Variants in NALCN observed in about 807,000 individuals in gnomAD.
The protein encoded by NALCN is sodium leak channel, non-selective.
NALCN carries 111 observed loss-of-function variants against 225.3 expected under a neutral mutation model. That is an observed-to-expected ratio of 0.49 (90% CI 0.42 to 0.58). The LOEUF (loss-of-function observed/expected upper bound fraction) is 0.58. Among genes scored for constraint, NALCN ranks in the 20% least tolerant of loss-of-function variants. NALCN has a pLI of 0.00. For synonymous variants in NALCN, 764 were observed against 769.0 expected, an observed-to-expected ratio of 0.99 and a Z score of 0.11; for missense variants, 1,378 against 2,202.4, an observed-to-expected ratio of 0.63 and a Z score of 7.49.
chr13:101,312,981 G>C (rs2044406314), intron 7 of NALCN, among the ~76,000 whole-genome samples: 1 of 152,120 alleles, frequency 6.6e-6, no homozygotes, highest in Non-Finnish European at 1.5e-5. Context: ...TACCAAAACA[G>C]AGATATAGAT....
intron 15 of NALCN, among the ~76,000 whole-genome samples, chr13:101,160,153 A>T (rs556330035): frequency 6.6e-6 from 1 of 151,988 alleles, no homozygotes; most frequent in African/African-American, 2.4e-5. Flanking sequence ...ACAGGGTTTC[A>T]CCATGTTAGC....
intron 27 of NALCN, among the ~76,000 whole-genome samples, chr13:101,097,767 C>T (rs1433559861): frequency 6.6e-6 from 1 of 152,174 alleles, no homozygotes; most frequent in African/African-American, 2.4e-5. Context: ...AAATTCCAAA[C>T]CCCTTAGCCA....
At chr13:101,370,480 T>A (rs114281208) in intron 6 of NALCN, among the ~76,000 whole-genome samples, 1 of 152,208 alleles carries the variant, frequency 6.6e-6, no homozygotes, top group African/African-American at 2.4e-5. Context: ...CTTGAGCCCA[T>A]GTAAAGCTGA....
At chr13:101,397,356 G>C (rs1312111246) in intron 2 of NALCN, among the ~76,000 whole-genome samples, 1 of 149,936 alleles carries the variant, frequency 6.7e-6, no homozygotes, top group Non-Finnish European at 1.5e-5. Context: ...TATAAAACAT[G>C]TTCTAGATAA....
At chr13:101,119,343 T>A (rs962271690) in intron 18 of NALCN, among the ~76,000 whole-genome samples, 1 of 152,180 alleles carries the variant, frequency 6.6e-6, no homozygotes, top group African/African-American at 2.4e-5. Context: ...AACTAAAGAC[T>A]ATTCCTTAAG....
chr13:101,138,359 G>A (rs2036906186), intron 17 of NALCN, among the ~76,000 whole-genome samples: 1 of 152,176 alleles, frequency 6.6e-6, no homozygotes, highest in Non-Finnish European at 1.5e-5. Flanking sequence ...CCTCTTTACT[G>A]TACATAAGTT....
chr13:101,232,787 T>TA (rs2041404087), intron 12 of NALCN, among the ~76,000 whole-genome samples: 1 of 152,282 alleles, frequency 6.6e-6, no homozygotes, highest in South Asian at 2.1e-4. Context: ...AATCAGGACA[T>TA]ATTACTCTCA....
intron 13 of NALCN, among the ~76,000 whole-genome samples, chr13:101,227,701 G>A (rs2041199437): frequency 6.6e-6 from 1 of 152,116 alleles, no homozygotes; most frequent in African/African-American, 2.4e-5. Flanking sequence ...GCTGGCTCTG[G>A]GTCTCTTCTT....
At chr13:101,345,917 T>A (rs1206705021) in intron 6 of NALCN, among the ~76,000 whole-genome samples, 1 of 144,944 alleles carries the variant, frequency 6.9e-6, no homozygotes, top group Non-Finnish European at 1.5e-5. Context: ...CAGTTAAGAC[T>A]GAAGCGAAGA....
intron 11 of NALCN, among the ~76,000 whole-genome samples, chr13:101,251,538 T>C (rs2042063216): frequency 6.6e-6 from 1 of 152,140 alleles, no homozygotes; most frequent in Non-Finnish European, 1.5e-5. Context: ...CAAATATTGG[T>C]TATAATATTT....
chr13:101,200,157 G>A (rs575393502), intron 13 of NALCN, among the ~76,000 whole-genome samples: 1 of 152,184 alleles, frequency 6.6e-6, no homozygotes, highest in East Asian at 1.9e-4. Context: ...ACAGATGTTA[G>A]ATAACAGGAA....
At chr13:101,358,741 T>C (rs1594737629) in intron 6 of NALCN, among the ~76,000 whole-genome samples, 1 of 152,148 alleles carries the variant, frequency 6.6e-6, no homozygotes, top group Admixed American at 6.6e-5. Flanking sequence ...AAGATACATG[T>C]ACACGTATGT....
intron 3 of NALCN, among the ~76,000 whole-genome samples, 161 bp from the exon 4 acceptor site, chr13:101,378,814 C>T (rs935363840): frequency 6.6e-6 from 1 of 152,060 alleles, no homozygotes; most frequent in Admixed American, 6.5e-5. Flanking sequence ...TTTTAAGTAG[C>T]ATTACTTATA....
intron 11 of NALCN, 101 bp downstream of exon 11, chr13:101,258,342 A>G: frequency 6.8e-7 from 1 of 1,477,976 alleles, no homozygotes; most frequent in Non-Finnish European, 9.1e-7. Context: ...GTGAAAGTCA[A>G]GTAATGAACA....
intron 7 of NALCN, among the ~76,000 whole-genome samples, chr13:101,316,129 T>C (rs1455579646): frequency 6.6e-6 from 1 of 152,192 alleles, no homozygotes; most frequent in Non-Finnish European, 1.5e-5. Flanking sequence ...TTAGATCATA[T>C]ATGAGAATCC....
intron 14 of NALCN, among the ~76,000 whole-genome samples, chr13:101,189,089 TAGGGA>T (rs1566405570): frequency 6.6e-6 from 1 of 152,222 alleles, no homozygotes; most frequent in African/African-American, 2.4e-5. Context: ...AACTCTGAAG[TAGGGA>T]TGCCCCTTAT....
chr13:101,170,526 C>A (rs954693668), intron 15 of NALCN, among the ~76,000 whole-genome samples: 4 of 152,136 alleles, frequency 2.6e-5, no homozygotes, highest in African/African-American at 9.7e-5. Context: ...CAAGTTGACA[C>A]ATAAAATCAA....
intron 13 of NALCN, among the ~76,000 whole-genome samples, chr13:101,210,521 A>ATT (rs141338150): frequency 5.2e-4 from 79 of 151,784 alleles, no homozygotes; most frequent in African/African-American, 1.8e-3. Context: ...CTGTAATATG[A>ATT]TTTTTTTTTA....
Position 101,254,634 on chromosome 13 carries a change from G to A in NALCN, c.1266+3809C>T, listed in dbSNP as rs531190894. Among the ~76,000 whole-genome samples the A allele has an allele frequency of 2.7e-5, 2 of 72,910 alleles. 1 individual carries two copies. The highest frequency in any genetic ancestry group is 1.0e-3 in the South Asian group (2 of 1,934). The allele number at this position is 72,910 out of a possible 152,430, so 47.8% of individuals were successfully genotyped here. On this transcript the variant is annotated intron_variant, in intron 11 of 43. Coordinates refer to ENST00000251127, the MANE Select transcript of NALCN (RefSeq NM_052867.4). ...TGGCCGGGCGCGGTGGCTCACGCCT[G>A]TAATCCCAGCACTTTGGGAGGCCGA...
Sources: gnomAD v4.1 joint callset for allele counts (sites outside exome capture counted in the v4.1 genomes callset) on GRCh38, gnomAD v4.1.1 for gene constraint, MANE v1.5 for transcripts, NCBI Gene and HGNC (gene_info 2026-07-23, HGNC 2026-07-21) for gene names.